Variants in SPATA25 observed in about 807,000 individuals in gnomAD.
SPATA25 encodes spermatogenesis associated 25.
A neutral mutation model predicts 16.0 loss-of-function variants in SPATA25; 16 were observed. The observed-to-expected ratio is 1.00, with a 90% confidence interval of 0.68 to 1.52. SPATA25 has a LOEUF of 1.52. Ranked by LOEUF, SPATA25 falls within the 40% of genes most tolerant of loss-of-function variation. SPATA25 has a pLI of 0.00. For synonymous variants in SPATA25, 115 were observed against 118.5 expected, an observed-to-expected ratio of 0.97 and a Z score of 0.19; for missense variants, 285 against 289.2, an observed-to-expected ratio of 0.99 and a Z score of 0.11.
chr20:45,887,245 A>C lies in SPATA25; in HGVS notation c.56-100T>G, dbSNP rs574404766. The C allele has an allele frequency of 5.0e-6, 7 of 1,403,438 alleles. No individual in the cohort carries two copies. The South Asian group carries it at 9.7e-5, about 19-fold the overall frequency. The allele number at this position is 1,403,438 out of a possible 1,614,324, so 86.9% of individuals were successfully genotyped here. A position where few individuals can be genotyped will look rare whatever the true frequency, so the allele number is the denominator to read the frequency against. Reference sequence around the variant, plus strand: ...AGCAGAGCTTGGGGGCGTAACTAAGACCAGCCCCAGCGGACTGTCTAGAGG... The same window carrying C: ...AGCAGAGCTTGGGGGCGTAACTAAGCCCAGCCCCAGCGGACTGTCTAGAGG... On this transcript the variant is annotated intron_variant, in intron 1 of 1. Transcript: ENST00000372519.
chr20:45,888,357 CT>C (rs1402784843), upstream of SPATA25, among the ~76,000 whole-genome samples: 5 of 152,102 alleles, frequency 3.3e-5, no homozygotes, highest in Admixed American at 1.3e-4. Flanking sequence ...AAGTTGGAAC[CT>C]TTTTTCTAGG....
In SPATA25 at chr20:45,886,556, C is replaced by T; in HGVS notation, c.645G>A (p.Val215=). Reference sequence around the variant, plus strand: ...CAGGAGGCTGGCCCCTTTTAGATCTCACTAGGGGCATCTTCCCAGAGGCTG... The same window carrying T: ...CAGGAGGCTGGCCCCTTTTAGATCTTACTAGGGGCATCTTCCCAGAGGCTG... ...AHTASGKMPL[V]RSKRGQPPGS... is the part of the protein sequence containing the mutation. Residue 215 remains valine (V), a synonymous_variant, in exon 2 of 2, where the codon GTG becomes GTA. Coordinates refer to ENST00000372519, the MANE Select transcript of SPATA25 (RefSeq NM_080608.4). 6.2e-7 allele frequency: 1 copy of T among 1,604,672 alleles called. No homozygotes were observed. The highest frequency in any genetic ancestry group is 8.5e-7 in the Non-Finnish European group (1 of 1,173,734).
chr20:45,890,580 G>T (rs1986736426), upstream of SPATA25: 5 of 1,612,352 alleles, frequency 3.1e-6, no homozygotes, highest in East Asian at 2.2e-5. Flanking sequence ...AGGGTTGGAG[G>T]TCGGCTGGGG....
upstream of SPATA25, chr20:45,890,596 T>TGCCTCC: frequency 6.2e-7 from 1 of 1,612,476 alleles, no homozygotes; most frequent in Non-Finnish European, 8.5e-7. Flanking sequence ...TGGGGGCCGC[T>TGCCTCC]GCCTCCGCCT....
chr20:45,890,788 G>T, upstream of SPATA25: 1 of 1,603,114 alleles, frequency 6.2e-7, no homozygotes, highest in Non-Finnish European at 8.5e-7. Context: ...CCTCGATCTC[G>T]ACCAGGAAGA....
upstream of SPATA25, among the ~76,000 whole-genome samples, chr20:45,889,314 G>A (rs1050806858): frequency 3.9e-5 from 6 of 152,026 alleles, no homozygotes; most frequent in African/African-American, 1.4e-4. Context: ...GAAGCCAATA[G>A]CCAATATGCC....
chr20:45,886,913 C>A lies in SPATA25; in HGVS notation c.288G>T (p.Val96=), dbSNP rs1986498974. ...YSRNCHKFPH[V]RQLESLGWDN... is the part of the protein sequence containing the mutation. ...CCCAGCCCAAGCTCTCCAGCTGCCT[C>A]ACATGCGGGAATTTGTGGCAGTTTC... Residue 96 remains valine, a synonymous_variant, in exon 2 of 2, where the codon GTG becomes GTT. Transcript: ENST00000372519. The A allele has an allele frequency of 6.2e-7, 1 of 1,614,202 alleles. No individual in the cohort carries two copies. Among genetic ancestry groups the A allele is most frequent in the Middle Eastern group, 1.6e-4 (1 of 6,062 alleles).
chr20:45,886,664 C>T lies in SPATA25; in HGVS notation c.537G>A (p.Trp179Ter). Residue 179 changes from tryptophan to a stop codon, truncating the protein, a stop_gained, in exon 2 of 2, where the codon TGG (tryptophan) becomes TGA (stop). Coordinates refer to ENST00000372519, the MANE Select transcript of SPATA25 (RefSeq NM_080608.4). LOFTEE classifies it high-confidence loss of function. The part of the protein sequence containing the change: ...VPGVREEDLI[W>*]AAQAFMMAHP... ...GGGCCATCATGAAAGCTTGAGCGGC[C>T]CAGATCAGGTCCTCTTCCCGAACTC... 8 of 1,614,108 alleles carry T rather than the reference C, an allele frequency of 5.0e-6. No individual in the cohort carries two copies. The highest frequency in any genetic ancestry group is 6.8e-6 in the Non-Finnish European group (8 of 1,180,044).
chr20:45,887,027 G>GGCA lies in SPATA25; in HGVS notation c.171_173dup (p.Ala58dup), dbSNP rs1765748993. The GGCA allele has an allele frequency of 6.2e-7, 1 of 1,612,424 alleles. No homozygotes were observed. Among genetic ancestry groups the GGCA allele is most frequent in the African/African-American group, 1.3e-5 (1 of 74,946 alleles). ...TTGCCAGGGCTGGGCCCCAGGCCTG[G>GGCA]GCAGCAGGTGCCACCTGCTCAGCTT... On this transcript the variant is annotated inframe_insertion, in exon 2 of 2. Transcript: ENST00000372519.
At chr20:45,889,260 T>C (rs1178910636), upstream of SPATA25, among the ~76,000 whole-genome samples, 1 of 152,202 alleles carries the variant, frequency 6.6e-6, no homozygotes, top group Non-Finnish European at 1.5e-5. Context: ...TAATGAATCA[T>C]ACTCAGCATT....
upstream of SPATA25, among the ~76,000 whole-genome samples, chr20:45,888,334 A>G (rs539257247): frequency 1.4e-4 from 21 of 152,326 alleles, no homozygotes; most frequent in South Asian, 8.3e-4. Flanking sequence ...TCAAGTGATT[A>G]TAATATATGA....
At chr20:45,888,868 A>G, upstream of SPATA25, 2 of 1,614,058 alleles carry the variant, frequency 1.2e-6, no homozygotes, top group Non-Finnish European at 1.7e-6. Context: ...GTCTGCAGGG[A>G]TGGCACTGTG....
upstream of SPATA25, chr20:45,890,939 C>T (rs865992336): frequency 1.3e-6 from 2 of 1,521,824 alleles, no homozygotes; most frequent in South Asian, 2.5e-5. Context: ...GGGCTCCGGG[C>T]GCTCGAGTCC....
upstream of SPATA25, chr20:45,888,630 G>A: frequency 1.2e-6 from 1 of 844,152 alleles, no homozygotes; most frequent in Non-Finnish European, 1.9e-6. Flanking sequence ...AGACCTTCCA[G>A]TGATCAAGAT....
Position 45,887,036 on chromosome 20 carries a change from T to C in SPATA25, c.165A>G (p.Ala55=). The C allele has an allele frequency of 6.2e-7, 1 of 1,611,882 alleles. No homozygotes were observed. The highest frequency in any genetic ancestry group is 8.5e-7 in the Non-Finnish European group (1 of 1,180,004). Residue 55 remains alanine (A), a synonymous_variant, in exon 2 of 2, where the codon GCA becomes GCG. Coordinates refer to ENST00000372519, the MANE Select transcript of SPATA25 (RefSeq NM_080608.4). ...GPLSQKAEQV[A]PAAQAWGPAL... ...CTGGGCCCCAGGCCTGGGCAGCAGG[T>C]GCCACCTGCTCAGCTTTCTGGCTCA...
At chr20:45,888,143 G>A (rs965642365), upstream of SPATA25, among the ~76,000 whole-genome samples, 4 of 151,996 alleles carry the variant, frequency 2.6e-5, no homozygotes, top group Non-Finnish European at 5.9e-5. Flanking sequence ...TCAGCCTCCC[G>A]AGTAGCTGGG....
rs1227615751 is a variant in SPATA25, at chr20:45,886,820, C to T, written c.381G>A (p.Leu127=). The T allele has an allele frequency of 6.2e-6, 10 of 1,613,968 alleles. No homozygotes were observed. Among genetic ancestry groups the T allele is most frequent in the Non-Finnish European group, 7.6e-6 (9 of 1,180,052 alleles). Residue 127 remains leucine, a synonymous_variant, in exon 2 of 2, where the codon CTG becomes CTA. Transcript: ENST00000372519. Reference sequence around the variant, plus strand: ...GTAGAACCCGTGGTGACAGCCCACACAGCATCAGGGGCCTAGGCCTGCTGG... The same window carrying T: ...GTAGAACCCGTGGTGACAGCCCACATAGCATCAGGGGCCTAGGCCTGCTGG... ...GGPSRPRPLM[L]CGLSPRVLPV... is the part of the protein sequence containing the mutation.
upstream of SPATA25, chr20:45,888,728 T>G: frequency 6.2e-7 from 1 of 1,611,860 alleles, no homozygotes; most frequent in Non-Finnish European, 8.5e-7. Context: ...GGCTCCAGGA[T>G]GCAGCTGTGC....
Position 45,887,293 on chromosome 20 carries a change from A to G in SPATA25, c.56-148T>C, listed in dbSNP as rs1012058986. On this transcript the variant is annotated intron_variant, in intron 1 of 1. Transcript: ENST00000372519. ...AGGTTGGGAACTAGGTGTTACTCAT[A>G]TCCACACTCCCAGTCCCCAACACGG... The G allele has an allele frequency of 7.0e-6, 7 of 1,001,642 alleles. No individual in the cohort carries two copies. The South Asian group carries it at 1.2e-4, about 17-fold the overall frequency. 62.0% of individuals were successfully genotyped at this position (1,001,642 alleles called of 1,614,324 possible).
Sources: gnomAD v4.1 joint callset for allele counts (sites outside exome capture counted in the v4.1 genomes callset) on GRCh38, gnomAD v4.1.1 for gene constraint, MANE v1.5 for transcripts, NCBI Gene and HGNC (gene_info 2026-07-23, HGNC 2026-07-21) for gene names.